The following SPECC1 variants were observed in gnomAD, a reference collection of about 807,000 sequenced individuals.
SPECC1 encodes the protein cytospin-B.
Under a neutral mutation model 104.1 loss-of-function variants are expected in SPECC1, and 62 were observed. The ratio of observed to expected loss-of-function variants is 0.60; its 90% CI spans 0.49 to 0.74. The LOEUF is 0.74. Among genes scored for constraint, SPECC1 ranks in the 30% least tolerant of loss-of-function variants. The probability of loss-of-function intolerance (pLI) is 0.00; values close to 1 mark genes in which losing one functional copy is unlikely to be tolerated. For missense variants in SPECC1, 1,306 were observed against 1,310.5 expected (o/e 1.00, Z 0.05); for synonymous variants, 513 against 501.6 (o/e 1.02, Z -0.30).
intron 1 of SPECC1, among the ~76,000 whole-genome samples, chr17:20,078,601 C>T (rs918147957): frequency 6.6e-6 from 1 of 152,012 alleles, no homozygotes; most frequent in African/African-American, 2.4e-5. Context: ...ATTAGTAAAG[C>T]TTTTTTGTAT....
At chr17:20,229,752 A>G (rs564314570) in intron 5 of SPECC1, among the ~76,000 whole-genome samples, 38 of 152,380 alleles carry the variant, frequency 2.5e-4, no homozygotes, top group African/African-American at 9.1e-4. Flanking sequence ...GACAATATGT[A>G]TATAAGGCTG....
intron 13 of SPECC1, among the ~76,000 whole-genome samples, chr17:20,298,987 A>G (rs1332445993): frequency 4.5e-5 from 3 of 66,866 alleles, no homozygotes; most frequent in Non-Finnish European, 8.7e-5. Flanking sequence ...AGAGAGAGAG[A>G]GAGAGAGAGG....
chr17:20,106,506 ATGT>A (rs2048204499), intron 2 of SPECC1, among the ~76,000 whole-genome samples: 1 of 152,116 alleles, frequency 6.6e-6, no homozygotes, highest in African/African-American at 2.4e-5. Flanking sequence ...ACCAAAATTC[ATGT>A]TGAATTTTAG....
chr17:20,172,742 G>A (rs2034184380), intron 3 of SPECC1, among the ~76,000 whole-genome samples: 1 of 152,196 alleles, frequency 6.6e-6, no homozygotes, highest in South Asian at 2.1e-4. Context: ...CCCTTGATGA[G>A]TTTTAATCTG....
intron 1 of SPECC1, among the ~76,000 whole-genome samples, chr17:20,035,414 A>G (rs766044031): frequency 8.5e-5 from 13 of 152,064 alleles, no homozygotes; most frequent in Non-Finnish European, 5.9e-5. Flanking sequence ...CCAACCTATA[A>G]GCATGGTATA....
chr17:20,308,947 TATA>T (rs900838176), intron 14 of SPECC1, among the ~76,000 whole-genome samples: 57 of 152,328 alleles, frequency 3.7e-4, no homozygotes, highest in Admixed American at 3.5e-3. Context: ...TCTGTTTAAA[TATA>T]ATATCTTTTT....
At chr17:20,132,386 T>C (rs1000501034) in intron 3 of SPECC1, among the ~76,000 whole-genome samples, 2 of 152,226 alleles carry the variant, frequency 1.3e-5, no homozygotes, top group Admixed American at 1.3e-4. Flanking sequence ...ATCAGGATAA[T>C]ACTACTTCAT....
rs1276118287 is a variant in SPECC1 at position 20,248,625 on chromosome 17, GC to G, written c.2598+1307del. 1.2e-4 allele frequency among the ~76,000 whole-genome samples: 18 copies of G among 152,128 alleles called. 1 individual carries two copies. Among genetic ancestry groups the G allele is most frequent in the Admixed American group, 9.8e-4 (15 of 15,276 alleles). ...TGTTTTACTTTATCAGTAAGGTGGA[GC>G]ACTTCTTCGTATGATTATAGGCCAT... On this transcript the variant is annotated intron_variant, in intron 9 of 14. Coordinates refer to ENST00000395527, the MANE Select transcript of SPECC1 (RefSeq NM_001243439.2).
At chr17:20,103,921 A>G (rs984299674) in intron 2 of SPECC1, among the ~76,000 whole-genome samples, 4 of 151,962 alleles carry the variant, frequency 2.6e-5, no homozygotes, top group African/African-American at 9.7e-5. Flanking sequence ...AGAAGGGGAG[A>G]GGAGAAGGGG....
At chr17:20,283,357 T>G (rs1049192885) in intron 12 of SPECC1, among the ~76,000 whole-genome samples, 1 of 152,220 alleles carries the variant, frequency 6.6e-6, no homozygotes, top group Non-Finnish European at 1.5e-5. Context: ...TCAGGCATTC[T>G]GATTGTCTGT....
intron 8 of SPECC1, 34 bp from the exon 9 acceptor site, chr17:20,247,185 A>G (rs376704230): frequency 2.5e-5 from 38 of 1,542,424 alleles, no homozygotes; most frequent in Non-Finnish European, 3.4e-5. Context: ...GAAGTGGAAC[A>G]ACATATAAAT....
intron 1 of SPECC1, among the ~76,000 whole-genome samples, chr17:20,039,616 G>A (rs370113473): frequency 2.0e-5 from 3 of 152,096 alleles, no homozygotes; most frequent in East Asian, 1.9e-4. Context: ...CTGGAGTGGC[G>A]CAATCTTGGC....
At chr17:20,190,610 G>C (rs1259358755) in intron 3 of SPECC1, among the ~76,000 whole-genome samples, 5 of 152,144 alleles carry the variant, frequency 3.3e-5, no homozygotes, top group Admixed American at 6.5e-5. Context: ...CTTCCAATCA[G>C]TGAACCCACA....
intron 3 of SPECC1, 39 bp downstream of exon 3, chr17:20,110,601 G>A: frequency 6.4e-7 from 1 of 1,573,116 alleles, no homozygotes; most frequent in Non-Finnish European, 8.6e-7. Context: ...CAGGCCATCA[G>A]TCCTGGCCGC....
intron 3 of SPECC1, among the ~76,000 whole-genome samples, chr17:20,198,410 C>A (rs1474057209): frequency 6.6e-6 from 1 of 152,204 alleles, no homozygotes; most frequent in African/African-American, 2.4e-5. Flanking sequence ...TTGAAAAGTT[C>A]AGGTGGCTGC....
intron 12 of SPECC1, among the ~76,000 whole-genome samples, chr17:20,276,762 A>C (rs1387967355): frequency 6.6e-6 from 1 of 152,246 alleles, no homozygotes; most frequent in African/African-American, 2.4e-5. Flanking sequence ...CTGGAGCAGA[A>C]TCATAAATCA....
At chr17:20,170,891 G>A (rs906101236) in intron 3 of SPECC1, among the ~76,000 whole-genome samples, 40 of 152,044 alleles carry the variant, frequency 2.6e-4, no homozygotes, top group African/African-American at 8.9e-4. Context: ...CAAAGCCCTT[G>A]AAAATCCCCT....
intron 1 of SPECC1, among the ~76,000 whole-genome samples, chr17:20,016,197 G>A (rs1316580886): frequency 7.0e-6 from 1 of 142,294 alleles, no homozygotes; most frequent in Non-Finnish European, 1.5e-5. Context: ...CAGTCTGGGC[G>A]ACAGAGAGCG....
Position 20,314,098 on chromosome 17 carries a change from C to T in SPECC1, c.*33C>T. ...GGGCCTGGGGCAGCCACCATTGCCACCTACTGCAGCTTTTCCTGGAAGCGC... is the reference window on the plus strand; with the variant it reads ...GGGCCTGGGGCAGCCACCATTGCCATCTACTGCAGCTTTTCCTGGAAGCGC... On this transcript the variant is annotated 3_prime_UTR_variant, in exon 15 of 15. Transcript: ENST00000395527. 1 of 1,586,374 alleles carries T rather than the reference C, an allele frequency of 6.3e-7. No homozygotes were observed. Among genetic ancestry groups the T allele is most frequent in the Non-Finnish European group, 8.6e-7 (1 of 1,157,340 alleles).
Sources: gnomAD v4.1 joint callset for allele counts (sites outside exome capture counted in the v4.1 genomes callset) on GRCh38, gnomAD v4.1.1 for gene constraint, MANE v1.5 for transcripts, NCBI Gene and HGNC (gene_info 2026-07-23, HGNC 2026-07-21) for gene names.